Variants in XKR4 observed in about 807,000 individuals in gnomAD.
The protein encoded by XKR4 is XK-related protein 4.
In XKR4, 12 loss-of-function variants were observed where a neutral mutation model predicts 53.9. That is an observed-to-expected ratio of 0.22 (90% CI 0.14 to 0.36). The LOEUF (loss-of-function observed/expected upper bound fraction) is 0.36, where lower values mean the gene tolerates loss of function less well. Ranked by LOEUF, XKR4 falls within the 10% of genes least tolerant of loss-of-function variation. The pLI is 1.00. For synonymous variants in XKR4, 354 were observed against 362.4 expected (o/e 0.98, Z 0.26); for missense variants, 799 against 859.5 (o/e 0.93, Z 0.88).
intron 2 of XKR4, among the ~76,000 whole-genome samples, chr8:55,487,290 A>G (rs1005855391): frequency 6.6e-6 from 1 of 152,148 alleles, no homozygotes; most frequent in African/African-American, 2.4e-5. Flanking sequence ...GAGAAAGACC[A>G]ATTCACATTC....
intron 1 of XKR4, among the ~76,000 whole-genome samples, chr8:55,326,468 C>CTT (rs10666278): frequency 0.23 from 26,194 of 111,620 alleles, 3,639 homozygotes; most frequent in East Asian, 0.56. Flanking sequence ...ATTTTTTTTC[C>CTT]TTTTTTTTTT....
chr8:55,293,407 T>C (rs959486917), intron 1 of XKR4, among the ~76,000 whole-genome samples: 2 of 152,238 alleles, frequency 1.3e-5, no homozygotes, highest in African/African-American at 4.8e-5. Context: ...AAGTGCGAAA[T>C]TATAAATGTT....
intron 1 of XKR4, among the ~76,000 whole-genome samples, chr8:55,263,790 T>C (rs1287797802): frequency 1.3e-5 from 2 of 152,214 alleles, no homozygotes; most frequent in South Asian, 2.1e-4. Context: ...TCTTTTTGAA[T>C]GCAGACTAAA....
At chr8:55,521,983 T>G (rs1806804199) in intron 2 of XKR4, among the ~76,000 whole-genome samples, 2 of 152,216 alleles carry the variant, frequency 1.3e-5, no homozygotes, top group Non-Finnish European at 1.5e-5. Flanking sequence ...GACTTTAAAA[T>G]AGATGAGACC....
intron 2 of XKR4, among the ~76,000 whole-genome samples, chr8:55,458,289 G>A (rs946833414): frequency 6.6e-6 from 1 of 152,216 alleles, no homozygotes; most frequent in Non-Finnish European, 1.5e-5. Flanking sequence ...CAGCCCACAG[G>A]TCTCAACCCC....
At chr8:55,452,746 CA>C (rs1195828404) in intron 2 of XKR4, 2 of 877,860 alleles carry the variant, frequency 2.3e-6, no homozygotes, top group East Asian at 4.8e-5. Context: ...TCTCTGTCCT[CA>C]AAGCCGCTCC....
intron 2 of XKR4, chr8:55,454,486 G>T: frequency 8.3e-7 from 1 of 1,208,670 alleles, no homozygotes; most frequent in Non-Finnish European, 1.2e-6. Context: ...GGGTGGCACA[G>T]ACCAAAGACA....
chr8:55,108,274 A>G (rs1737081856), intron 1 of XKR4, among the ~76,000 whole-genome samples: 1 of 152,174 alleles, frequency 6.6e-6, no homozygotes, highest in Non-Finnish European at 1.5e-5. Flanking sequence ...TAGAGATGAG[A>G]TGAAGAACTA....
chr8:55,454,620 C>T (rs1805527600), intron 2 of XKR4: 2 of 1,266,550 alleles, frequency 1.6e-6, no homozygotes, highest in South Asian at 2.5e-5. Context: ...TCGTCCTCTA[C>T]TAGCCCCCAG....
chr8:55,153,468 AAGAAG>A (rs1816865198), intron 1 of XKR4, among the ~76,000 whole-genome samples: 1 of 152,186 alleles, frequency 6.6e-6, no homozygotes, highest in Non-Finnish European at 1.5e-5. Flanking sequence ...TGCCAGAGAA[AAGAAG>A]AGGAGGAAAT....
intron 1 of XKR4, among the ~76,000 whole-genome samples, chr8:55,192,243 G>T (rs1005840862): frequency 7.7e-5 from 11 of 142,308 alleles, no homozygotes; most frequent in Non-Finnish European, 1.7e-4. Flanking sequence ...CCTTAACTTT[G>T]TTGAAATCCT....
intron 1 of XKR4, among the ~76,000 whole-genome samples, chr8:55,165,804 C>CAAAAAAAAAAAAAAA (rs536690179): frequency 1.7e-5 from 1 of 60,476 alleles, no homozygotes. Flanking sequence ...GACTCCGTCT[C>CAAAAAAAAAAAAAAA]AAAAAAAAAA....
intron 2 of XKR4, chr8:55,454,088 A>G: frequency 1.2e-6 from 1 of 820,144 alleles, no homozygotes. Context: ...CTGCATATTC[A>G]AGGAGGAGGG....
intron 1 of XKR4, among the ~76,000 whole-genome samples, chr8:55,325,162 G>A (rs1803274547): frequency 6.6e-6 from 1 of 152,114 alleles, no homozygotes; most frequent in Admixed American, 6.5e-5. Context: ...CCTAGTTAAA[G>A]GGTAAAATAT....
chr8:55,433,613 A>G (rs1933459821), intron 2 of XKR4, among the ~76,000 whole-genome samples: 1 of 152,252 alleles, frequency 6.6e-6, no homozygotes, highest in African/African-American at 2.4e-5. Flanking sequence ...ACATTCCTTA[A>G]ACAAATGAAA....
At chr8:55,291,402 C>T (rs1819017637) in intron 1 of XKR4, among the ~76,000 whole-genome samples, 1 of 152,174 alleles carries the variant, frequency 6.6e-6, no homozygotes, top group Non-Finnish European at 1.5e-5. Context: ...TACAAACAAT[C>T]TTGCTGGAAC....
intron 1 of XKR4, among the ~76,000 whole-genome samples, chr8:55,251,391 T>A (rs1306972614): frequency 6.6e-6 from 1 of 152,220 alleles, no homozygotes; most frequent in Admixed American, 6.5e-5. Context: ...GTTGCTGAAT[T>A]TCAAATTGCA....
chr8:55,442,546 T>A (rs1455655674), intron 2 of XKR4, among the ~76,000 whole-genome samples: 1 of 152,236 alleles, frequency 6.6e-6, no homozygotes, highest in African/African-American at 2.4e-5. Context: ...AAGTGCATTA[T>A]TCATAACAGC....
At chr8:55,105,849 A>G (rs760717456) in intron 1 of XKR4, among the ~76,000 whole-genome samples, 1 of 152,204 alleles carries the variant, frequency 6.6e-6, no homozygotes, top group Non-Finnish European at 1.5e-5. Context: ...ATGCGCTCTA[A>G]TATGTTTCTA....
Sources: allele counts gnomAD v4.1 joint callset (sites outside exome capture counted in the v4.1 genomes callset), GRCh38; gene constraint gnomAD v4.1.1; transcripts MANE v1.5; gene names NCBI Gene and HGNC (gene_info 2026-07-23, HGNC 2026-07-21).